BMP2K: variants seen among roughly 807,000 people sequenced by gnomAD.
BMP2K encodes the protein BMP-2-inducible protein kinase.
A neutral mutation model predicts 116.0 loss-of-function variants in BMP2K; 74 were observed. That is an observed-to-expected ratio of 0.64 (90% confidence interval 0.53 to 0.77). The LOEUF is 0.77. Ranked by LOEUF, BMP2K falls within the 30% of genes least tolerant of loss-of-function variation. The pLI, the probability that BMP2K is intolerant of heterozygous loss-of-function variation, is 0.00. For missense variants in BMP2K, 1,365 were observed against 1,403.6 expected (o/e 0.97, Z 0.44); for synonymous variants, 486 against 502.5 (o/e 0.97, Z 0.44).
intron 1 of BMP2K, among the ~76,000 whole-genome samples, chr4:78,790,991 C>T (rs1260932638): frequency 1.3e-5 from 2 of 152,254 alleles, no homozygotes; most frequent in Middle Eastern, 3.4e-3. Flanking sequence ...CATCTTTTCT[C>T]TCCCATTCTT....
rs151054921 is a variant in BMP2K, at chr4:78,846,569, G to A, written c.669-619G>A. Among the ~76,000 whole-genome samples, 455 of 151,482 alleles carry A rather than the reference G, an allele frequency of 3.0e-3. 3 individuals carry two copies. Among genetic ancestry groups the A allele is most frequent in the African/African-American group, 0.01 (431 of 41,422 alleles). ...ATGTTCTGTTCATAATAAATATGGG[G>A]GTTTTCTATTGGTAAATATTTATTC... On this transcript the variant is annotated intron_variant, in intron 5 of 15. Coordinates refer to ENST00000502613, the MANE Select transcript of BMP2K (RefSeq NM_198892.2).
chr4:78,822,173 G>A (rs1239114032), intron 1 of BMP2K, among the ~76,000 whole-genome samples: 1 of 151,626 alleles, frequency 6.6e-6, no homozygotes, highest in Non-Finnish European at 1.5e-5. Context: ...TTAGATGGAG[G>A]ATTGTCCATT....
chr4:78,873,097 C>G (rs1260833803), intron 13 of BMP2K, among the ~76,000 whole-genome samples: 2 of 152,088 alleles, frequency 1.3e-5, no homozygotes, highest in Non-Finnish European at 2.9e-5. Context: ...ATAAACAACA[C>G]CCTAACAAGT....
intron 15 of BMP2K, 64 bp downstream of exon 15, chr4:78,887,348 T>C (rs1577959937): frequency 8.3e-7 from 1 of 1,211,796 alleles, no homozygotes; most frequent in African/African-American, 1.5e-5. Context: ...CAGCAAAATC[T>C]TATAAAGTGG....
chr4:78,824,071 G>T (rs1311426604), intron 1 of BMP2K, among the ~76,000 whole-genome samples: 2 of 152,172 alleles, frequency 1.3e-5, no homozygotes, highest in Non-Finnish European at 2.9e-5. Context: ...TTTACGTAAA[G>T]TACCTTTCCC....
intron 13 of BMP2K, among the ~76,000 whole-genome samples, chr4:78,873,154 A>G (rs1327016399): frequency 6.6e-6 from 1 of 152,174 alleles, no homozygotes; most frequent in Non-Finnish European, 1.5e-5. Flanking sequence ...CTCTATTTAC[A>G]TGTTATTACC....
At chr4:78,887,498 C>T (rs16997408) in intron 15 of BMP2K, among the ~76,000 whole-genome samples, 21,410 of 152,030 alleles carry the variant, frequency 0.14, 2,791 homozygotes, top group African/African-American at 0.35. Context: ...TGCTGATTTA[C>T]ACAATAGAAA....
intron 9 of BMP2K, among the ~76,000 whole-genome samples, chr4:78,864,971 C>T (rs1479409813): frequency 6.6e-6 from 1 of 152,100 alleles, no homozygotes; most frequent in African/African-American, 2.4e-5. Flanking sequence ...CATCTGGGGC[C>T]TAAACTAAGT....
chr4:78,777,550 T>G (rs1197096804), intron 1 of BMP2K, among the ~76,000 whole-genome samples: 1 of 152,260 alleles, frequency 6.6e-6, no homozygotes, highest in Non-Finnish European at 1.5e-5. Flanking sequence ...CATAATTGCC[T>G]TGTAGAAAAT....
At chr4:78,805,170 T>G (rs531371528) in intron 1 of BMP2K, among the ~76,000 whole-genome samples, 2 of 152,352 alleles carry the variant, frequency 1.3e-5, no homozygotes, top group African/African-American at 4.8e-5. Flanking sequence ...AAAAGGTTAG[T>G]CTTTCCTCAT....
intron 4 of BMP2K, among the ~76,000 whole-genome samples, chr4:78,843,624 G>T (rs931100757): frequency 6.6e-6 from 1 of 151,854 alleles, no homozygotes; most frequent in Non-Finnish European, 1.5e-5. Context: ...AATCATGAAA[G>T]CATCATCTAG....
chr4:78,872,375 A>G, intron 12 of BMP2K: 1 of 293,088 alleles, frequency 3.4e-6, no homozygotes, highest in Non-Finnish European at 6.1e-6. Context: ...CTTTTTCTTA[A>G]AATACTTAAA....
rs1383985425 is a variant in BMP2K, at chr4:78,915,593, C to A, written c.*3560C>A. 6.6e-6 allele frequency: 1 copy of A among 151,668 alleles called. No homozygotes were observed. Among genetic ancestry groups the A allele is most frequent in the African/African-American group, 2.4e-5 (1 of 41,316 alleles). 9.4% of individuals were successfully genotyped at this position (151,668 alleles called of 1,614,324 possible). ...AAATGATGAATAGTTTATTTGAGAA[C>A]TTTTATACTCAGTGGTGTTTTATAT... On this transcript the variant is annotated 3_prime_UTR_variant, in exon 16 of 16. Transcript: ENST00000502613.
intron 6 of BMP2K, among the ~76,000 whole-genome samples, chr4:78,848,837 T>C (rs1731126388): frequency 6.6e-6 from 1 of 150,954 alleles, no homozygotes. Context: ...TAGAGAACAG[T>C]GTATTTATAT....
Position 78,844,999 on chromosome 4 carries a change from T to G in BMP2K, c.618T>G (p.Phe206Leu). Residue 206 changes from phenylalanine (F) to leucine (L), a missense_variant, in exon 5 of 16, where the codon TTT (phenylalanine) becomes TTG (leucine). Transcript: ENST00000502613. ...LCDFGSATNKFLNPQKDGVNV... is the reference protein window; with the variant it reads ...LCDFGSATNKLLNPQKDGVNV... ...ACTTTGGCAGTGCCACTAATAAATT[T>G]CTTAATCCTCAAAAAGATGGAGTTA... 6.3e-7 allele frequency: 1 copy of G among 1,592,572 alleles called. No homozygotes were observed. Among genetic ancestry groups the G allele is most frequent in the Non-Finnish European group, 8.6e-7 (1 of 1,162,044 alleles).
At chr4:78,857,191 T>G (rs905175924) in intron 7 of BMP2K, among the ~76,000 whole-genome samples, 4 of 152,196 alleles carry the variant, frequency 2.6e-5, no homozygotes, top group African/African-American at 9.6e-5. Flanking sequence ...TAATATTTTC[T>G]GTTCTTCTTT....
intron 1 of BMP2K, among the ~76,000 whole-genome samples, chr4:78,795,468 A>T (rs1028514373): frequency 6.6e-6 from 1 of 152,208 alleles, no homozygotes; most frequent in Non-Finnish European, 1.5e-5. Context: ...CATTCAGGAC[A>T]TAGGCATGGG....
intron 7 of BMP2K, among the ~76,000 whole-genome samples, chr4:78,853,743 T>A (rs1731370703): frequency 6.6e-6 from 1 of 152,158 alleles, no homozygotes; most frequent in Non-Finnish European, 1.5e-5. Flanking sequence ...GTCTTCCCAT[T>A]TCTAAAAGGG....
intron 7 of BMP2K, among the ~76,000 whole-genome samples, chr4:78,855,519 A>G (rs1279122589): frequency 6.6e-6 from 1 of 152,170 alleles, no homozygotes; most frequent in East Asian, 1.9e-4. Context: ...TTGAATGGTA[A>G]CTACTTTAAT....
Sources: allele counts gnomAD v4.1 joint callset (sites outside exome capture counted in the v4.1 genomes callset), GRCh38; gene constraint gnomAD v4.1.1; transcripts MANE v1.5; gene names NCBI Gene and HGNC (gene_info 2026-07-23, HGNC 2026-07-21).